Variants in PHACTR1 observed in about 807,000 individuals in gnomAD.
PHACTR1 encodes RPEL repeat containing 1.
PHACTR1 carries 16 observed loss-of-function variants against 69.2 expected under a neutral mutation model. The observed-to-expected ratio is 0.23, with a 90% CI of 0.16 to 0.35. The LOEUF (loss-of-function observed/expected upper bound fraction) is 0.35. Ranked by LOEUF, PHACTR1 falls within the 10% of genes least tolerant of loss-of-function variation. The pLI, the probability that PHACTR1 is intolerant of heterozygous loss-of-function variation, is 1.00. For missense variants in PHACTR1, 510 were observed against 734.7 expected (o/e 0.69, Z 3.54); for synonymous variants, 312 against 284.5 (o/e 1.10, Z -0.97).
In PHACTR1 at chr6:13,127,421, T is replaced by A. The variant is rs554373852; in HGVS notation, c.416-32783T>A. On this transcript the variant is annotated intron_variant, in intron 5 of 14. Coordinates refer to ENST00000332995, the MANE Select transcript of PHACTR1 (RefSeq NM_030948.6). ...ATCTCTAACAACAACAACAAAAAAA[T>A]TAGCTGGGTATGGTGGCACATGCCT... Among the ~76,000 whole-genome samples the A allele has an allele frequency of 2.6e-5, 4 of 151,998 alleles. No individual in the cohort carries two copies. In the East Asian group the frequency reaches 7.8e-4, roughly 30 times the overall value.
chr6:12,938,894 G>A (rs184303431), intron 4 of PHACTR1, among the ~76,000 whole-genome samples: 131 of 152,102 alleles, frequency 8.6e-4, no homozygotes, highest in African/African-American at 3.0e-3. Context: ...AACAGTTCAT[G>A]CGTTTTTAAT....
chr6:13,086,236 GC>G (rs1442572162), intron 5 of PHACTR1, among the ~76,000 whole-genome samples: 2 of 151,898 alleles, frequency 1.3e-5, no homozygotes, highest in African/African-American at 4.8e-5. Flanking sequence ...AATATAAATT[GC>G]CTAAATGCAT....
chr6:12,959,458 A>G (rs1229593843), intron 4 of PHACTR1, among the ~76,000 whole-genome samples: 3 of 152,174 alleles, frequency 2.0e-5, no homozygotes, highest in Admixed American at 6.5e-5. Flanking sequence ...AAAGCATAAC[A>G]AAGTTTTTCA....
At chr6:12,730,489 A>C (rs1763362610) in intron 3 of PHACTR1, among the ~76,000 whole-genome samples, 2 of 148,790 alleles carry the variant, frequency 1.3e-5, no homozygotes, top group African/African-American at 4.8e-5. Flanking sequence ...AAAAAAAAAA[A>C]AACCTCAATG....
chr6:12,854,127 C>G (rs570171265), intron 4 of PHACTR1, among the ~76,000 whole-genome samples: 1 of 152,132 alleles, frequency 6.6e-6, no homozygotes, highest in Non-Finnish European at 1.5e-5. Flanking sequence ...CCATGAAAAA[C>G]CTTCAATGTC....
At chr6:13,230,880 G>A (rs1418478856) in intron 10 of PHACTR1, among the ~76,000 whole-genome samples, 1 of 152,118 alleles carries the variant, frequency 6.6e-6, no homozygotes, top group Non-Finnish European at 1.5e-5. Flanking sequence ...GCGAGATGTG[G>A]TGGCACATGC....
chr6:12,803,602 C>T (rs1175198760), intron 4 of PHACTR1, among the ~76,000 whole-genome samples: 1 of 152,190 alleles, frequency 6.6e-6, no homozygotes, highest in Non-Finnish European at 1.5e-5. Flanking sequence ...TTTATTCTTA[C>T]CAAACAAAGC....
intron 4 of PHACTR1, among the ~76,000 whole-genome samples, chr6:12,790,260 T>A (rs999911607): frequency 2.0e-5 from 3 of 152,134 alleles, no homozygotes; most frequent in African/African-American, 7.2e-5. Flanking sequence ...CTTATTAACC[T>A]CTCTGATGGC....
chr6:13,142,072 C>T (rs1385397631), intron 5 of PHACTR1, among the ~76,000 whole-genome samples: 1 of 152,120 alleles, frequency 6.6e-6, no homozygotes, highest in Non-Finnish European at 1.5e-5. Context: ...AACGGGAAAG[C>T]ACATTTCTAA....
chr6:13,118,480 T>C (rs1232393424), intron 5 of PHACTR1, among the ~76,000 whole-genome samples: 7 of 146,308 alleles, frequency 4.8e-5, no homozygotes, highest in Admixed American at 4.1e-4. Flanking sequence ...CATTTTTTTT[T>C]TTTTTTTTTT....
intron 4 of PHACTR1, among the ~76,000 whole-genome samples, chr6:13,010,252 C>T (rs1282093651): frequency 1.3e-5 from 2 of 152,034 alleles, no homozygotes; most frequent in Non-Finnish European, 1.5e-5. Flanking sequence ...CTCAACCTCC[C>T]GAGTAGCTGG....
At chr6:12,753,760 C>T (rs985797764) in intron 4 of PHACTR1, among the ~76,000 whole-genome samples, 2 of 151,940 alleles carry the variant, frequency 1.3e-5, no homozygotes, top group African/African-American at 4.8e-5. Flanking sequence ...TCAGAACTGG[C>T]TTGCTATGGT....
At chr6:13,009,011 C>A (rs1799147915) in intron 4 of PHACTR1, among the ~76,000 whole-genome samples, 1 of 152,178 alleles carries the variant, frequency 6.6e-6, no homozygotes, top group Non-Finnish European at 1.5e-5. Context: ...GTCTGTTCCT[C>A]CCCTTGCTCC....
At chr6:13,211,670 G>A (rs775274378) in intron 8 of PHACTR1, among the ~76,000 whole-genome samples, 3 of 152,166 alleles carry the variant, frequency 2.0e-5, no homozygotes, top group Non-Finnish European at 4.4e-5. Flanking sequence ...CCCCACATCT[G>A]ACTGTCCGCA....
chr6:13,125,773 A>G (rs1819433644), intron 5 of PHACTR1, among the ~76,000 whole-genome samples: 1 of 152,086 alleles, frequency 6.6e-6, no homozygotes, highest in Admixed American at 6.6e-5. Flanking sequence ...TACTAAAAAT[A>G]CAAAAAATTA....
At chr6:13,250,209 T>A (rs1250574714) in intron 10 of PHACTR1, among the ~76,000 whole-genome samples, 1 of 152,166 alleles carries the variant, frequency 6.6e-6, no homozygotes, top group Non-Finnish European at 1.5e-5. Flanking sequence ...ACTGAGGACA[T>A]TAGAGAATGT....
intron 4 of PHACTR1, among the ~76,000 whole-genome samples, chr6:12,974,511 G>A (rs1794630320): frequency 6.6e-6 from 1 of 152,190 alleles, no homozygotes; most frequent in Non-Finnish European, 1.5e-5. Flanking sequence ...GGTGGACTCA[G>A]GATATCTGCT....
At chr6:13,248,760 C>A (rs1373203168) in intron 10 of PHACTR1, among the ~76,000 whole-genome samples, 1 of 152,122 alleles carries the variant, frequency 6.6e-6, no homozygotes, top group Non-Finnish European at 1.5e-5. Flanking sequence ...CAGCCACATC[C>A]CTGCAGCTCT....
chr6:12,799,158 A>T (rs1213236231), intron 4 of PHACTR1, among the ~76,000 whole-genome samples: 1 of 152,150 alleles, frequency 6.6e-6, no homozygotes, highest in Non-Finnish European at 1.5e-5. Flanking sequence ...CTTTCTGTGG[A>T]GCGTGTTTGG....
Sources: allele counts gnomAD v4.1 joint callset (sites outside exome capture counted in the v4.1 genomes callset), GRCh38; gene constraint gnomAD v4.1.1; transcripts MANE v1.5; gene names NCBI Gene and HGNC (gene_info 2026-07-23, HGNC 2026-07-21).